CDK13: variants seen among roughly 807,000 people sequenced by gnomAD.
The protein encoded by CDK13 is cyclin dependent kinase 13.
In CDK13, 40 loss-of-function variants were observed where a neutral mutation model predicts 137.6. That is an observed-to-expected ratio of 0.29 (90% CI 0.23 to 0.38). The LOEUF (loss-of-function observed/expected upper bound fraction) is 0.38, where lower values mean the gene tolerates loss of function less well. Ranked by LOEUF, CDK13 falls within the 10% of genes least tolerant of loss-of-function variation. The pLI is 1.00. For synonymous variants in CDK13, 869 were observed against 760.1 expected, an observed-to-expected ratio of 1.14 and a Z score of -2.36; for missense variants, 1,704 against 1,951.8, an observed-to-expected ratio of 0.87 and a Z score of 2.39.
At chr7:40,028,801 A>G (rs373827407) in intron 5 of CDK13, among the ~76,000 whole-genome samples, 2 of 151,894 alleles carry the variant, frequency 1.3e-5, no homozygotes, top group African/African-American at 4.8e-5. Flanking sequence ...TGAGTTTACT[A>G]TGACCACAGT....
At chr7:40,056,270 T>C (rs545188577) in intron 7 of CDK13, among the ~76,000 whole-genome samples, 2 of 152,372 alleles carry the variant, frequency 1.3e-5, no homozygotes, top group South Asian at 4.1e-4. Context: ...CAGGTGTTTT[T>C]CCTTGTCCTT....
intron 5 of CDK13, among the ~76,000 whole-genome samples, chr7:40,027,643 A>G (rs1249477549): frequency 6.8e-6 from 1 of 147,158 alleles, no homozygotes; most frequent in Non-Finnish European, 1.5e-5. Context: ...TACTTTCTAT[A>G]ACACCCTTGG....
chr7:39,961,791 C>G (rs979299314), intron 1 of CDK13, among the ~76,000 whole-genome samples: 13 of 152,160 alleles, frequency 8.5e-5, no homozygotes, highest in African/African-American at 3.1e-4. Context: ...CCTCCCTCCC[C>G]CTACCCCACA....
Position 40,096,024 on chromosome 7 carries a change from G to T in CDK13, c.*1044G>T, listed in dbSNP as rs1584101869. 1 of 152,146 alleles carries T rather than the reference G, an allele frequency of 6.6e-6. No homozygotes were observed. Among genetic ancestry groups the T allele is most frequent in the Non-Finnish European group, 1.5e-5 (1 of 68,024 alleles). The allele number at this position is 152,146 out of a possible 1,614,324, so 9.4% of individuals were successfully genotyped here. On this transcript the variant is annotated 3_prime_UTR_variant, in exon 14 of 14. Transcript: ENST00000181839. ...ATTTTAGAGTACCATTTTCTTTCAG[G>T]CTGCCATATTATCCCTGTTTCCATT...
At chr7:40,055,156 CTGTG>C (rs56001601) in intron 7 of CDK13, among the ~76,000 whole-genome samples, 2,108 of 140,316 alleles carry the variant, frequency 0.015, 31 homozygotes, top group African/African-American at 0.033. Flanking sequence ...GGCAGAAGGA[CTGTG>C]TGTGTGTGTG....
At chr7:40,041,280 C>G (rs915475577) in intron 5 of CDK13, among the ~76,000 whole-genome samples, 1 of 152,096 alleles carries the variant, frequency 6.6e-6, no homozygotes, top group Non-Finnish European at 1.5e-5. Context: ...GAGCCAAGAT[C>G]GTGCCACTGC....
At chr7:40,070,268 G>A (rs554422936) in intron 9 of CDK13, 1 of 151,738 alleles carries the variant, frequency 6.6e-6, no homozygotes, top group South Asian at 2.1e-4. Flanking sequence ...AATTAGCTGA[G>A]TGTGGTGGCA....
chr7:40,045,521 G>T (rs1199288188), intron 5 of CDK13, among the ~76,000 whole-genome samples: 1 of 147,364 alleles, frequency 6.8e-6, no homozygotes. Context: ...GCTTCTAAGA[G>T]ACAATTTGAC....
At chr7:39,976,311 TCTCTCTCTCTCTCACACACA>T (rs1338797070) in intron 1 of CDK13, among the ~76,000 whole-genome samples, 2 of 77,542 alleles carry the variant, frequency 2.6e-5, no homozygotes, top group East Asian at 8.8e-4. Context: ...TCTCTCTCTC[TCTCTCTCTCTCTCACACACA>T]CACACACACA....
chr7:39,971,042 CT>C (rs1783986426), intron 1 of CDK13, among the ~76,000 whole-genome samples: 1 of 151,978 alleles, frequency 6.6e-6, no homozygotes, highest in South Asian at 2.1e-4. Flanking sequence ...AAATTTTTTC[CT>C]TAATATTTTG....
chr7:39,976,069 G>T (rs1784097981), intron 1 of CDK13, among the ~76,000 whole-genome samples: 1 of 152,038 alleles, frequency 6.6e-6, no homozygotes. Context: ...AGGCCGAGAT[G>T]GGCGGATCAC....
In CDK13 at chr7:40,058,950, TG is replaced by T. The variant is rs34614635; in HGVS notation, c.2601-3869del. 5.9e-5 allele frequency among the ~76,000 whole-genome samples: 9 copies of T among 152,148 alleles called. No individual in the cohort carries two copies. In the South Asian group the frequency reaches 1.0e-3, roughly 18 times the overall value. On this transcript the variant is annotated intron_variant, in intron 7 of 13. Transcript: ENST00000181839. ...TGAATTATAGTATAAAAGAAGTACA[TG>T]GGGGGGTTGCCTTCAAGCAGGAAGA... is the stretch of plus-strand genomic sequence containing the variant.
intron 5 of CDK13, among the ~76,000 whole-genome samples, chr7:40,028,218 C>CTTT (rs1209452508): frequency 7.6e-5 from 9 of 118,980 alleles, no homozygotes; most frequent in East Asian, 2.3e-4. Flanking sequence ...CTTGAATTGA[C>CTTT]TTTTTTTTTT....
At chr7:40,030,019 G>T (rs1785333648) in intron 5 of CDK13, among the ~76,000 whole-genome samples, 2 of 152,052 alleles carry the variant, frequency 1.3e-5, no homozygotes, top group South Asian at 4.1e-4. Flanking sequence ...ATTCTATCTG[G>T]CTGTCTTTCA....
chr7:40,050,214 C>CA (rs749224148), intron 7 of CDK13, among the ~76,000 whole-genome samples: 1 of 152,028 alleles, frequency 6.6e-6, no homozygotes, highest in African/African-American at 2.4e-5. Context: ...CTTTAAAGAT[C>CA]AAAAAATGTT....
chr7:40,033,878 A>T (rs1021656019), intron 5 of CDK13, among the ~76,000 whole-genome samples: 2 of 152,168 alleles, frequency 1.3e-5, no homozygotes, highest in African/African-American at 4.8e-5. Context: ...GTGCTAGAGG[A>T]TGCTGGTATT....
At chr7:40,081,880 G>T (rs1786670420) in intron 11 of CDK13, among the ~76,000 whole-genome samples, 1 of 152,040 alleles carries the variant, frequency 6.6e-6, no homozygotes, top group African/African-American at 2.4e-5. Flanking sequence ...CCAAAGTGCT[G>T]GGATTACAGG....
In CDK13 at chr7:39,950,989, G is replaced by C; in HGVS notation, c.348G>C (p.Glu116Asp). ...RRGPRAGQEA[E>D]KRRVFSLPQP... is the part of the protein sequence containing the mutation. ...GGCCCCGCGCCGGGCAGGAGGCGGA[G>C]AAGCGTCGGGTCTTCTCGCTGCCCC... is the stretch of plus-strand genomic sequence containing the variant. Residue 116 changes from glutamate to aspartate, a missense_variant, in exon 1 of 14, where the codon GAG becomes GAC. Coordinates refer to ENST00000181839, the MANE Select transcript of CDK13 (RefSeq NM_003718.5). 5 of 1,312,890 alleles carry C rather than the reference G, an allele frequency of 3.8e-6. No homozygotes were observed. Among genetic ancestry groups the C allele is most frequent in the Non-Finnish European group, 4.8e-6 (5 of 1,035,540 alleles). The allele number at this position is 1,312,890 out of a possible 1,614,324, so 81.3% of individuals were successfully genotyped here. A position where few individuals can be genotyped will look rare whatever the true frequency, so the allele number is the denominator to read the frequency against.
At chr7:40,001,217 CTTT>C (rs372931532) in intron 4 of CDK13, among the ~76,000 whole-genome samples, 40 of 141,242 alleles carry the variant, frequency 2.8e-4, no homozygotes, top group Admixed American at 3.6e-4. Flanking sequence ...TCTTCAGCAT[CTTT>C]TTTTTTTTTT....
Sources: allele counts gnomAD v4.1 joint callset (sites outside exome capture counted in the v4.1 genomes callset), GRCh38; gene constraint gnomAD v4.1.1; transcripts MANE v1.5; gene names NCBI Gene and HGNC (gene_info 2026-07-23, HGNC 2026-07-21).